Variants in PCDHGB3 observed in about 807,000 individuals in gnomAD.
PCDHGB3 encodes protocadherin gamma subfamily B, 3, also known as protocadherin gamma-B3.
Under a neutral mutation model 59.2 loss-of-function variants are expected in PCDHGB3, and 40 were observed. The observed-to-expected ratio is 0.68, with a 90% confidence interval of 0.52 to 0.88. The LOEUF (loss-of-function observed/expected upper bound fraction) is 0.88. PCDHGB3 is among the 40% of genes least tolerant of loss of function. The pLI is 0.00. For synonymous variants in PCDHGB3, 581 were observed against 503.6 expected (o/e 1.15, Z -2.06); for missense variants, 1,309 against 1,187.9 (o/e 1.10, Z -1.50).
chr5:141,405,215 C>T, intron 1 of PCDHGB3: 1 of 1,614,078 alleles, frequency 6.2e-7, no homozygotes, highest in Non-Finnish European at 8.5e-7. Flanking sequence ...GACCTATTCT[C>T]AGGAGTTCTC....
At chr5:141,411,567 G>A (rs1390794685) in intron 1 of PCDHGB3, 1 of 152,186 alleles carries the variant, frequency 6.6e-6, no homozygotes, top group Non-Finnish European at 1.5e-5. Context: ...CTGGGCGACA[G>A]AGTGCGACCC....
intron 1 of PCDHGB3, among the ~76,000 whole-genome samples, chr5:141,387,512 T>G (rs1371060044): frequency 1.3e-5 from 2 of 152,256 alleles, no homozygotes; most frequent in South Asian, 4.1e-4. Flanking sequence ...TTAGACGTCA[T>G]TAAATATACA....
chr5:141,385,160 C>T lies in PCDHGB3; in HGVS notation c.2415+12351C>T, dbSNP rs765072883. 6.2e-6 allele frequency: 10 copies of T among 1,614,096 alleles called. No individual in the cohort carries two copies. The East Asian group carries it at 2.0e-4, about 32-fold the overall frequency. On this transcript the variant is annotated intron_variant, in intron 1 of 3. Coordinates refer to ENST00000576222, the MANE Select transcript of PCDHGB3 (RefSeq NM_018924.5). ...GTGCAGGCTTTCCTGCAGACCTATT[C>T]CCATGAGGTCTCCCTCACCGCGGAC...
intron 1 of PCDHGB3, among the ~76,000 whole-genome samples, chr5:141,460,983 GTA>G (rs59296681): frequency 1.2e-4 from 16 of 137,836 alleles, no homozygotes; most frequent in East Asian, 2.1e-4. Context: ...GTGTGTGTGT[GTA>G]TATATATATA....
chr5:141,503,209 C>T (rs963237902), intron 2 of PCDHGB3, among the ~76,000 whole-genome samples: 3 of 152,020 alleles, frequency 2.0e-5, no homozygotes, highest in African/African-American at 7.3e-5. Context: ...TCTCAGTGCC[C>T]ACCATGAGCA....
chr5:141,485,865 C>A lies in PCDHGB3; in HGVS notation c.2416-8942C>A. ...TCTGGCACCGCAGAGCTCCGGGTAT[C>A]CGTGCTGGACGTAAACGACAACGCC... On this transcript the variant is annotated intron_variant, in intron 1 of 3. Transcript: ENST00000576222. The surrounding 1 kb of genome is among the most constrained non-coding windows in gnomAD (Gnocchi z 5.7). 1 of 1,614,182 alleles carries A rather than the reference C, an allele frequency of 6.2e-7. No homozygotes were observed. The highest frequency in any genetic ancestry group is 8.5e-7 in the Non-Finnish European group (1 of 1,180,034).
At position 141,490,176 on chromosome 5, in the gene PCDHGB3, G is replaced by T. The variant is rs758876319; in HGVS notation, c.2416-4631G>T. On this transcript the variant is annotated intron_variant, in intron 1 of 3. Transcript: ENST00000576222. This position sits in a 1 kb window ranked among gnomAD's most constrained non-coding sequence, Gnocchi z 5.4. ...TGTTGGGTCCCATAGACTTTGAGGAGTCACGTTTCTATGAAATTCATGCAA... is the reference window on the plus strand; with the variant it reads ...TGTTGGGTCCCATAGACTTTGAGGATTCACGTTTCTATGAAATTCATGCAA... 12 of 1,614,100 alleles carry T rather than the reference G, an allele frequency of 7.4e-6. No homozygotes were observed. Among genetic ancestry groups the T allele is most frequent in the Non-Finnish European group, 1.0e-5 (12 of 1,180,046 alleles).
chr5:141,423,757 G>GGC, intron 1 of PCDHGB3: 1 of 395,122 alleles, frequency 2.5e-6, no homozygotes, highest in East Asian at 1.5e-4. Context: ...GTTTGGGGGG[G>GGC]GGGTGGGGCG....
intron 1 of PCDHGB3, among the ~76,000 whole-genome samples, chr5:141,444,758 T>C (rs1430492886): frequency 1.3e-5 from 2 of 152,262 alleles, no homozygotes; most frequent in East Asian, 3.8e-4. Flanking sequence ...TATGTAGTTC[T>C]ATTTCTATAT....
intron 1 of PCDHGB3, chr5:141,420,546 G>T: frequency 3.5e-6 from 1 of 284,254 alleles, no homozygotes; most frequent in Admixed American, 5.0e-5. Flanking sequence ...ATAAAATACA[G>T]GTATATTTTT....
At chr5:141,502,400 C>T (rs964923206) in intron 2 of PCDHGB3, among the ~76,000 whole-genome samples, 2 of 151,748 alleles carry the variant, frequency 1.3e-5, no homozygotes, top group African/African-American at 4.8e-5. Flanking sequence ...AAAATGTCCC[C>T]GAACCTGGAT....
chr5:141,454,142 C>T (rs2098782408), intron 1 of PCDHGB3, among the ~76,000 whole-genome samples: 1 of 152,222 alleles, frequency 6.6e-6, no homozygotes, highest in Non-Finnish European at 1.5e-5. Context: ...GGAATGTTCA[C>T]ACTGCTACTT....
In PCDHGB3 at chr5:141,387,872, G is replaced by T. The variant is rs1436610477; in HGVS notation, c.2415+15063G>T. ...TCTCCAGGCTGGTGAGCAAGCTGAG[G>T]AGAGCAAGAGGGATGGGGAGCGGCG... is the stretch of plus-strand genomic sequence containing the variant. On this transcript the variant is annotated intron_variant, in intron 1 of 3. Coordinates refer to ENST00000576222, the MANE Select transcript of PCDHGB3 (RefSeq NM_018924.5). The T allele has an allele frequency of 1.8e-5, 28 of 1,588,586 alleles. No homozygotes were observed. In the Admixed American group the frequency reaches 4.7e-4, roughly 26 times the overall value.
chr5:141,373,689 C>T (rs575785726), intron 1 of PCDHGB3, among the ~76,000 whole-genome samples: 2 of 152,314 alleles, frequency 1.3e-5, no homozygotes, highest in East Asian at 1.9e-4. Context: ...CTTCAGAGAA[C>T]ATTTAAAATT....
Position 141,431,758 on chromosome 5 carries a change from C to T in PCDHGB3, c.2415+58949C>T. Reference sequence around the variant, plus strand: ...CAGGATATTCTGCGCGAGCCAAAGTCCTGATCACTGTTCTGGACGTGAACG... The same window carrying T: ...CAGGATATTCTGCGCGAGCCAAAGTTCTGATCACTGTTCTGGACGTGAACG... On this transcript the variant is annotated intron_variant, in intron 1 of 3. Transcript: ENST00000576222. This position sits in a 1 kb window ranked among gnomAD's most constrained non-coding sequence, Gnocchi z 4.8. 1.9e-6 allele frequency: 3 copies of T among 1,614,172 alleles called. No homozygotes were observed. The highest frequency in any genetic ancestry group is 1.7e-6 in the Non-Finnish European group (2 of 1,180,020).
Position 141,477,395 on chromosome 5 carries a change from A to G in PCDHGB3, c.2416-17412A>G. The G allele has an allele frequency of 1.9e-6, 3 of 1,614,126 alleles. No individual in the cohort carries two copies. The highest frequency in any genetic ancestry group is 1.3e-5 in the African/African-American group (1 of 75,020). ...GACTGTGCCAGAATACAACCTCAGC[A>G]TCACCGCCCGAGACGCCGGAACCCC... On this transcript the variant is annotated intron_variant, in intron 1 of 3. Transcript: ENST00000576222. The surrounding 1 kb of genome is among the most constrained non-coding windows in gnomAD (Gnocchi z 4.9).
chr5:141,441,865 G>T, intron 1 of PCDHGB3: 1 of 345,726 alleles, frequency 2.9e-6, no homozygotes. Context: ...GCACGCCGCG[G>T]AGCCTGGCTA....
Position 141,476,605 on chromosome 5 carries a change from T to C in PCDHGB3, c.2416-18202T>C, listed in dbSNP as rs1394742940. ...CGCTCGAGAGCGCGCACGATCCCGATGTGGGAAGCAACTCTTTACAAACCT... is the reference window on the plus strand; with the variant it reads ...CGCTCGAGAGCGCGCACGATCCCGACGTGGGAAGCAACTCTTTACAAACCT... On this transcript the variant is annotated intron_variant, in intron 1 of 3. Transcript: ENST00000576222. This position sits in a 1 kb window ranked among gnomAD's most constrained non-coding sequence, Gnocchi z 7.6. 1.9e-6 allele frequency: 3 copies of C among 1,614,066 alleles called. No individual in the cohort carries two copies. In the East Asian group the frequency reaches 6.7e-5, roughly 36 times the overall value.
intron 1 of PCDHGB3, chr5:141,412,984 C>G: frequency 1.8e-6 from 1 of 558,874 alleles, no homozygotes; most frequent in Non-Finnish European, 3.0e-6. Flanking sequence ...GCAGCCAGAG[C>G]TCAATCCGGA....
Sources: gnomAD v4.1 joint callset for allele counts (sites outside exome capture counted in the v4.1 genomes callset) on GRCh38, gnomAD v4.1.1 for gene constraint, Gnocchi (gnomAD v3.1) non-coding constraint, MANE v1.5 for transcripts, NCBI Gene and HGNC (gene_info 2026-07-23, HGNC 2026-07-21) for gene names.